The following FAM228B variants were observed in gnomAD, a reference collection of about 807,000 sequenced individuals.
FAM228B encodes family with sequence similarity 228 member B.
FAM228B carries 38 observed loss-of-function variants against 42.6 expected under a neutral mutation model. The observed-to-expected ratio is 0.89, with a 90% CI of 0.69 to 1.17. FAM228B has a LOEUF of 1.17. Among genes scored for constraint, FAM228B ranks in the 50% most tolerant of loss-of-function variants. The pLI, the probability that FAM228B is intolerant of heterozygous loss-of-function variation, is 0.00. For missense variants in FAM228B, 344 were observed against 367.3 expected (o/e 0.94, Z 0.52); for synonymous variants, 109 against 122.3 (o/e 0.89, Z 0.72).
chr2:24,094,866 G>A (rs758718574), intron 2 of FAM228B, among the ~76,000 whole-genome samples: 3 of 152,132 alleles, frequency 2.0e-5, no homozygotes, highest in Middle Eastern at 3.2e-3. Flanking sequence ...GCCGAGGTGC[G>A]CAGATCACTT....
intron 2 of FAM228B, among the ~76,000 whole-genome samples, chr2:24,086,618 A>G (rs777929050): frequency 4.6e-5 from 7 of 151,546 alleles, no homozygotes; most frequent in Middle Eastern, 3.4e-3. Flanking sequence ...CTCCTGCCTC[A>G]GCCTCCCAAA....
rs1230289038 is a variant in FAM228B, at chr2:24,169,087, G to T, written c.*15-269G>T. Among the ~76,000 whole-genome samples the T allele has an allele frequency of 6.6e-6, 1 of 152,132 alleles. No homozygotes were observed. Among genetic ancestry groups the T allele is most frequent in the Non-Finnish European group, 1.5e-5 (1 of 68,008 alleles). Reference sequence around the variant, plus strand: ...ACATCTGAAAGCTGAGACCACAGGGGTTCCCTCAAATCATGTCACACATCA... The same window carrying T: ...ACATCTGAAAGCTGAGACCACAGGGTTTCCCTCAAATCATGTCACACATCA... On this transcript the variant is annotated intron_variant, in intron 10 of 10. Transcript: ENST00000615575. This position sits in a 1 kb window ranked among gnomAD's most constrained non-coding sequence, Gnocchi z 4.2.
upstream of FAM228B, among the ~76,000 whole-genome samples, chr2:24,121,819 C>T (rs1666128454): frequency 6.6e-6 from 1 of 152,142 alleles, no homozygotes. Flanking sequence ...CCACTGTGAT[C>T]TCTGCACATG....
intron 3 of FAM228B, among the ~76,000 whole-genome samples, chr2:24,098,780 C>A (rs925063447): frequency 6.6e-6 from 1 of 152,126 alleles, no homozygotes; most frequent in African/African-American, 2.4e-5. Context: ...TAACTCATTT[C>A]ATGAGGCCAA....
upstream of FAM228B, among the ~76,000 whole-genome samples, chr2:24,120,830 C>A (rs1410087089): frequency 6.6e-6 from 1 of 151,916 alleles, no homozygotes; most frequent in Non-Finnish European, 1.5e-5. Flanking sequence ...AGCCACTGTG[C>A]CTGGCCACTG....
At chr2:24,092,476 G>T (rs868584319) in intron 2 of FAM228B, among the ~76,000 whole-genome samples, 1 of 117,982 alleles carries the variant, frequency 8.5e-6, no homozygotes, top group East Asian at 2.1e-4. Context: ...TTCGGGAGGC[G>T]GGGCAGGAGA....
intron 3 of FAM228B, among the ~76,000 whole-genome samples, chr2:24,136,155 G>A (rs1666582094): frequency 7.1e-6 from 1 of 141,064 alleles, no homozygotes; most frequent in Non-Finnish European, 1.5e-5. Flanking sequence ...TTGGCCTCCT[G>A]GGCTCAAGTG....
intron 2 of FAM228B, chr2:24,087,237 ATC>A (rs1316676702): frequency 6.6e-6 from 1 of 152,042 alleles, no homozygotes; most frequent in Non-Finnish European, 1.5e-5. Context: ...CTGAATAAAC[ATC>A]TCTTTCTTTC....
At chr2:24,163,252 A>G (rs1667323395) in intron 8 of FAM228B, among the ~76,000 whole-genome samples, 1 of 152,220 alleles carries the variant, frequency 6.6e-6, no homozygotes, top group Admixed American at 6.5e-5. Flanking sequence ...GAATAAATAC[A>G]GTGTGGCAGA....
intron 3 of FAM228B, among the ~76,000 whole-genome samples, chr2:24,117,754 ACTT>A (rs1665969399): frequency 1.3e-5 from 2 of 152,120 alleles, no homozygotes; most frequent in Non-Finnish European, 2.9e-5. Context: ...GTAATTCTTT[ACTT>A]CCCAAATTTT....
Position 24,080,631 on chromosome 2 carries a change from A to G in FAM228B, c.-289-245A>G, listed in dbSNP as rs1332937763. 1.9e-5 allele frequency: 13 copies of G among 679,610 alleles called. No individual in the cohort carries two copies. Among genetic ancestry groups the G allele is most frequent in the East Asian group, 5.1e-5 (2 of 39,376 alleles). The allele number at this position is 679,610 out of a possible 1,614,324, so 42.1% of individuals were successfully genotyped here. A position where few individuals can be genotyped will look rare whatever the true frequency, so the allele number is the denominator to read the frequency against. On this transcript the variant is annotated intron_variant, in intron 1 of 10. Transcript: ENST00000613899. This position sits in a 1 kb window ranked among gnomAD's most constrained non-coding sequence, Gnocchi z 4.7. ...TCTTGCAAGAATGCACATGGAAACC[A>G]TCTTAGATTTAAATATGACTGCCTG...
In FAM228B at chr2:24,135,128, AAAG is replaced by A. The variant is rs1455464602; in HGVS notation, c.114_116del (p.Glu38del). 7 of 1,504,668 alleles carry A rather than the reference AAAG, an allele frequency of 4.7e-6. No individual in the cohort carries two copies. Among genetic ancestry groups the A allele is most frequent in the Non-Finnish European group, 5.4e-6 (6 of 1,112,226 alleles). 93.2% of individuals were successfully genotyped at this position (1,504,668 alleles called of 1,614,324 possible). A position where few individuals can be genotyped will look rare whatever the true frequency, so the allele number is the denominator to read the frequency against. On this transcript the variant is annotated inframe_deletion, in exon 3 of 11. Coordinates refer to ENST00000615575, the MANE Select transcript of FAM228B (RefSeq NM_001145710.2). ...AATTCTGTCCTTTCAGGTTTTAGCTAAAGAAGATACTGAGGCAGCTATTCAATC... is the reference window on the plus strand; with the variant it reads ...AATTCTGTCCTTTCAGGTTTTAGCTAAAGATACTGAGGCAGCTATTCAATC...
chr2:24,113,463 G>A (rs898101890), intron 3 of FAM228B, among the ~76,000 whole-genome samples: 12 of 152,124 alleles, frequency 7.9e-5, no homozygotes, highest in Admixed American at 7.2e-4. Flanking sequence ...CTAGCTACTC[G>A]GGAGGCTGAA....
chr2:24,089,115 G>A (rs1268261115), intron 2 of FAM228B, among the ~76,000 whole-genome samples: 1 of 152,172 alleles, frequency 6.6e-6, no homozygotes, highest in East Asian at 1.9e-4. Context: ...TTGGGAGGCT[G>A]AGAGGGGTGG....
chr2:24,150,121 A>C (rs545564139), intron 7 of FAM228B, among the ~76,000 whole-genome samples: 2 of 36,688 alleles, frequency 5.5e-5, no homozygotes, highest in African/African-American at 8.4e-5. Flanking sequence ...TAATAAGATA[A>C]GAGTATTTGC....
chr2:24,080,818 C>G lies in FAM228B; in HGVS notation c.-289-58C>G. 6.2e-7 allele frequency: 1 copy of G among 1,614,092 alleles called. No individual in the cohort carries two copies. The highest frequency in any genetic ancestry group is 8.5e-7 in the Non-Finnish European group (1 of 1,180,016). ...GCTGAACTGTAGAAGCAGTTGTTTA[C>G]CTTTGGTGAATTTCAGCGTTGCTTC... is the stretch of plus-strand genomic sequence containing the variant. On this transcript the variant is annotated intron_variant, in intron 1 of 10. Coordinates refer to the FAM228B transcript ENST00000613899. This position sits in a 1 kb window ranked among gnomAD's most constrained non-coding sequence, Gnocchi z 4.7.
At chr2:24,119,789 A>G, upstream of FAM228B, 1 of 753,832 alleles carries the variant, frequency 1.3e-6, no homozygotes, top group East Asian at 2.6e-5. Context: ...ATATGTTTGG[A>G]ATATATATGG....
At chr2:24,134,983 A>G (rs1249950599) in intron 2 of FAM228B, 136 bp from the exon 3 acceptor site, 1 of 616,302 alleles carries the variant, frequency 1.6e-6, no homozygotes, top group South Asian at 2.0e-5. Context: ...GCACTCGATG[A>G]TATGATTTGG....
chr2:24,110,856 G>T lies in FAM228B; in HGVS notation c.-121+15627G>T, dbSNP rs1665779565. ...AACTCGTGTTTGGCATCTGTAGTGG[G>T]GACAGGCTTGTGGGAACTGAGCTCC... On this transcript the variant is annotated intron_variant, in intron 3 of 10. Coordinates refer to the FAM228B transcript ENST00000613899. Among the ~76,000 whole-genome samples, 4 of 152,142 alleles carry T rather than the reference G, an allele frequency of 2.6e-5. No individual in the cohort carries two copies. The South Asian group carries it at 8.3e-4, about 32-fold the overall frequency.
Sources: allele counts gnomAD v4.1 joint callset (sites outside exome capture counted in the v4.1 genomes callset), GRCh38; gene constraint gnomAD v4.1.1; non-coding constraint Gnocchi (gnomAD v3.1); transcripts MANE v1.5; gene names NCBI Gene and HGNC (gene_info 2026-07-23, HGNC 2026-07-21).